TXNDC2: variants seen among roughly 807,000 people sequenced by gnomAD.
The protein encoded by TXNDC2 is thioredoxin domain containing 2, also known as thioredoxin domain-containing protein 2.
In TXNDC2, 1 loss-of-function variant was observed where a neutral mutation model predicts 0.4. The observed-to-expected ratio is 2.30, with a 90% CI of 0.82 to 10.89. The LOEUF (loss-of-function observed/expected upper bound fraction) is 10.89. TXNDC2 is among the 30% of genes most tolerant of loss of function. The pLI, the probability that TXNDC2 is intolerant of heterozygous loss-of-function variation, is 0.12. For synonymous variants in TXNDC2, 183 were observed against 224.6 expected (o/e 0.81, Z 1.66); for missense variants, 509 against 579.8 (o/e 0.88, Z 1.25).
rs923496189 is a variant in TXNDC2, at chr18:9,887,409, G to C, written c.729G>C (p.Lys243Asn). ...PKSLEEAIQPKEGDIPKSPEE... is the reference protein window; with the variant it reads ...PKSLEEAIQPNEGDIPKSPEE... ...CCCTAGAGGAAGCCATCCAGCCCAA[G>C]GAGGGTGACATCCCCAAGTCCCCAG... The change falls in exon 2 of 2, where the codon AAG becomes AAC. Residue 243 changes from lysine (K) to asparagine (N), a missense_variant. Physicochemically the swap from Lys to Asn is moderately conservative, Grantham distance 94. Around this residue, in one of 5 missense-constraint regions of TXNDC2, gnomAD observed 65 missense variants for 46.0 expected, o/e 1.41. Coordinates refer to ENST00000357775, the MANE Select transcript of TXNDC2 (RefSeq NM_032243.6). 1 of 1,028,580 alleles carries C rather than the reference G, an allele frequency of 9.7e-7. No homozygotes were observed. Among genetic ancestry groups the C allele is most frequent in the African/African-American group, 1.9e-5 (1 of 52,906 alleles). 63.7% of individuals were successfully genotyped at this position (1,028,580 alleles called of 1,614,324 possible).
At chr18:9,886,344 T>A in intron 1 of TXNDC2, 4 of 1,458,728 alleles carry the variant, frequency 2.7e-6, no homozygotes, top group Non-Finnish European at 3.8e-6. Context: ...GCGGGCAGGG[T>A]GTTGAACCAA....
At position 9,886,073 on chromosome 18, in the gene TXNDC2, A is replaced by G; in HGVS notation, c.-100A>G. 7.7e-6 allele frequency: 7 copies of G among 913,636 alleles called. No individual in the cohort carries two copies. The highest frequency in any genetic ancestry group is 1.6e-5 in the African/African-American group (1 of 61,024). 56.6% of individuals were successfully genotyped at this position (913,636 alleles called of 1,614,324 possible). On this transcript the variant is annotated 5_prime_UTR_variant, in exon 1 of 2. Coordinates refer to ENST00000357775, the MANE Select transcript of TXNDC2 (RefSeq NM_032243.6). ...GAGGGAAAACCAACTGTAACGTGCC[A>G]CCCAAATGTAAGTTTTACTCATATT...
rs1196248673 is a variant in TXNDC2 at position 9,886,599 on chromosome 18, A to T, written c.-82A>T. ...TGTTTTTTGGTACAGAAAGCTCATTACTAGTCCTGTCCAGCAACGTGCCTC... is the reference window on the plus strand; with the variant it reads ...TGTTTTTTGGTACAGAAAGCTCATTTCTAGTCCTGTCCAGCAACGTGCCTC... On this transcript the variant is annotated 5_prime_UTR_variant, in exon 2 of 2. Transcript: ENST00000357775. 2 of 1,605,124 alleles carry T rather than the reference A, an allele frequency of 1.2e-6. No individual in the cohort carries two copies. Among genetic ancestry groups the T allele is most frequent in the Non-Finnish European group, 1.7e-6 (2 of 1,176,756 alleles).
At chr18:9,886,322 T>G in intron 1 of TXNDC2, 1 of 1,573,654 alleles carries the variant, frequency 6.4e-7, no homozygotes, top group Non-Finnish European at 8.7e-7. Flanking sequence ...TAAAGACCTA[T>G]GCAGTTAGGG....
At position 9,886,991 on chromosome 18, in the gene TXNDC2, C is replaced by T. The variant is rs34812912; in HGVS notation, c.311C>T (p.Pro104Leu). The T allele has an allele frequency of 0.073, 117,889 of 1,604,858 alleles. 4,643 individuals are homozygous for T. The highest frequency in any genetic ancestry group is 0.15 in the South Asian group (13,870 of 90,348). ...AATATTCCCAAGGCCTCAGTGAAGC[C>T]CAGCCAGCCCAAGGAGGGTGACATC... Reference protein sequence around the residue: ...LGNIPKASVKPSQPKEGDIPK... With the variant: ...LGNIPKASVKLSQPKEGDIPK... The change falls in exon 2 of 2, where the codon CCC becomes CTC. Residue 104 changes from proline to leucine, a missense_variant. By Grantham distance (98) the Pro-to-Leu change is moderately conservative. This residue lies in a region of TXNDC2 where 187 missense variants were observed against 218.0 expected (regional missense o/e 0.86). Transcript: ENST00000357775.
rs928293087 is a variant in TXNDC2 at position 9,889,155 on chromosome 18, T to C, written c.*1014T>C. ...ATAAAACCAGCTTCATTAGGTATAA[T>C]TGATATACAAAGAACAGCACATATT... On this transcript the variant is annotated 3_prime_UTR_variant, in exon 2 of 2. Coordinates refer to ENST00000357775, the MANE Select transcript of TXNDC2 (RefSeq NM_032243.6). 2.6e-5 allele frequency: 4 copies of C among 152,158 alleles called. No individual in the cohort carries two copies. The highest frequency in any genetic ancestry group is 7.2e-5 in the African/African-American group (3 of 41,426). The allele number at this position is 152,158 out of a possible 1,614,324, so 9.4% of individuals were successfully genotyped here. A position where few individuals can be genotyped will look rare whatever the true frequency, so the allele number is the denominator to read the frequency against.
rs1567882104 is a variant in TXNDC2 at position 9,886,620 on chromosome 18, GC to G, written c.-59del. 3 of 1,613,478 alleles carry G rather than the reference GC, an allele frequency of 1.9e-6. No homozygotes were observed. ...CATTACTAGTCCTGTCCAGCAACGT[GC>G]CTCTCCTGGCCCTAGAGTTCTTGGA... is the stretch of plus-strand genomic sequence containing the variant. On this transcript the variant is annotated 5_prime_UTR_variant, in exon 2 of 2. Coordinates refer to ENST00000357775, the MANE Select transcript of TXNDC2 (RefSeq NM_032243.6).
rs183239518 is a variant in TXNDC2, at chr18:9,886,706, G to A, written c.26G>A (p.Arg9His). The change falls in exon 2 of 2, where the codon CGC (arginine) becomes CAC (histidine). Residue 9 changes from arginine to histidine, a missense_variant. Arg to His is a conservative substitution (Grantham distance 29). This residue lies in a region of TXNDC2 where 187 missense variants were observed against 218.0 expected (regional missense o/e 0.86). Transcript: ENST00000357775. ...ATGGTCAGCCACACGTTCCACATGC[G>A]CACAGAGGAGTCTGATGCCTCACAG... MVSHTFHM[R>H]TEESDASQEG... is the part of the protein sequence containing the mutation. 1.2e-5 allele frequency: 19 copies of A among 1,614,022 alleles called. No individual in the cohort carries two copies. The highest frequency in any genetic ancestry group is 6.7e-5 in the East Asian group (3 of 44,874).
chr18:9,888,006 C>A lies in TXNDC2; in HGVS notation c.1326C>A (p.Asn442Lys). Residue 442 changes from asparagine (N) to lysine (K), a missense_variant, in exon 2 of 2, where the codon AAC (asparagine) becomes AAA (lysine). Asn to Lys is a moderately conservative substitution (Grantham distance 94, BLOSUM62 0). Coordinates refer to ENST00000357775, the MANE Select transcript of TXNDC2 (RefSeq NM_032243.6). ...TGTTCCTGGAGGTGGACGCTGACAA[C>A]TGTGAGGAGGTGGTGAGAGAGTGCG... is the stretch of plus-strand genomic sequence containing the variant. Reference protein sequence around the residue: ...DVVFLEVDADNCEEVVRECAI... With the variant: ...DVVFLEVDADKCEEVVRECAI... 6.2e-7 allele frequency: 1 copy of A among 1,614,142 alleles called. No individual in the cohort carries two copies. Among genetic ancestry groups the A allele is most frequent in the Non-Finnish European group, 8.5e-7 (1 of 1,180,028 alleles).
rs1424695134 is a variant in TXNDC2 at position 9,888,098 on chromosome 18, C to T, written c.1418C>T (p.Ala473Val). 6.2e-7 allele frequency: 1 copy of T among 1,613,336 alleles called. No individual in the cohort carries two copies. The highest frequency in any genetic ancestry group is 8.5e-7 in the Non-Finnish European group (1 of 1,179,694). The change falls in exon 2 of 2, where the codon GCC (alanine) becomes GTC (valine). Residue 473 changes from alanine to valine, a missense_variant. By Grantham distance (64) the Ala-to-Val change is moderately conservative (BLOSUM62 0). Around this residue, in one of 5 missense-constraint regions of TXNDC2, gnomAD observed 229 missense variants for 243.8 expected, o/e 0.94. Coordinates refer to ENST00000357775, the MANE Select transcript of TXNDC2 (RefSeq NM_032243.6). The part of the protein sequence containing the change: ...KEEKVDELCG[A>V]LKEKLEAVIA... The stretch of plus-strand genomic sequence containing the variant: ...GAAAAGGTGGATGAACTTTGCGGCG[C>T]CCTTAAGGAAAAACTTGAAGCAGTC...
In TXNDC2 at chr18:9,887,360, C is replaced by T. The variant is rs2068961840; in HGVS notation, c.680C>T (p.Pro227Leu). ...ISKSPEEAIQ[P>L]KEGDLPKSLE... is the part of the protein sequence containing the mutation. ...AAGTCCCCAGAAGAAGCCATCCAGCCCAAGGAGGGTGACCTCCCCAAGTCC... is the reference window on the plus strand; with the variant it reads ...AAGTCCCCAGAAGAAGCCATCCAGCTCAAGGAGGGTGACCTCCCCAAGTCC... Residue 227 changes from proline (P) to leucine (L), a missense_variant, in exon 2 of 2, where the codon CCC (proline) becomes CTC (leucine). Transcript: ENST00000357775. 7.3e-6 allele frequency: 11 copies of T among 1,499,374 alleles called. No individual in the cohort carries two copies. Among genetic ancestry groups the T allele is most frequent in the Non-Finnish European group, 1.0e-5 (11 of 1,101,438 alleles). 92.9% of individuals were successfully genotyped at this position (1,499,374 alleles called of 1,614,324 possible). A position where few individuals can be genotyped will look rare whatever the true frequency, so the allele number is the denominator to read the frequency against.
At position 9,887,813 on chromosome 18, in the gene TXNDC2, C is replaced by T. The variant is rs781003016; in HGVS notation, c.1133C>T (p.Pro378Leu). 2.9e-5 allele frequency: 47 copies of T among 1,611,156 alleles called. No individual in the cohort carries two copies. Among genetic ancestry groups the T allele is most frequent in the Non-Finnish European group, 3.1e-5 (36 of 1,178,600 alleles). ...LKPEEETMEFPEGDKVKVILS... is the reference protein window; with the variant it reads ...LKPEEETMEFLEGDKVKVILS... ...CCTGAAGAAGAAACAATGGAGTTCC[C>T]GGAGGGGGACAAGGTGAAAGTGATC... The change falls in exon 2 of 2, where the codon CCG (proline) becomes CTG (leucine). Residue 378 changes from proline to leucine, a missense_variant. Physicochemically the swap from Pro to Leu is moderately conservative, Grantham distance 98. This residue lies in a region of TXNDC2 where 229 missense variants were observed against 243.8 expected (regional missense o/e 0.94). Coordinates refer to ENST00000357775, the MANE Select transcript of TXNDC2 (RefSeq NM_032243.6).
Position 9,887,373 on chromosome 18 carries a change from C to T in TXNDC2, c.693C>T (p.Asp231=), listed in dbSNP as rs755820055. Residue 231 remains aspartate, a synonymous_variant, in exon 2 of 2, where the codon GAC becomes GAT. Coordinates refer to ENST00000357775, the MANE Select transcript of TXNDC2 (RefSeq NM_032243.6). ...PEEAIQPKEG[D]LPKSLEEAIQ... is the part of the protein sequence containing the mutation. ...AAGCCATCCAGCCCAAGGAGGGTGA[C>T]CTCCCCAAGTCCCTAGAGGAAGCCA... The T allele has an allele frequency of 3.5e-5, 53 of 1,494,206 alleles. No homozygotes were observed. The Middle Eastern group carries it at 7.2e-4, about 20-fold the overall frequency. The allele number at this position is 1,494,206 out of a possible 1,614,324, so 92.6% of individuals were successfully genotyped here.
At chr18:9,886,335 C>A (rs1434461034) in intron 1 of TXNDC2, 2 of 1,515,270 alleles carry the variant, frequency 1.3e-6, no homozygotes, top group Non-Finnish European at 1.8e-6. Context: ...AGTTAGGGAG[C>A]GGGCAGGGTG....
At chr18:9,886,460 A>G (rs1250209365) in intron 1 of TXNDC2, 129 bp from the exon 2 acceptor site, 6 of 984,948 alleles carry the variant, frequency 6.1e-6, no homozygotes, top group African/African-American at 4.9e-5. Flanking sequence ...ATCATTCATC[A>G]GACTTCATTC....
Position 9,886,738 on chromosome 18 carries a change from G to A in TXNDC2, c.58G>A (p.Asp20Asn), listed in dbSNP as rs1048280864. 18 of 1,614,026 alleles carry A rather than the reference G, an allele frequency of 1.1e-5. No homozygotes were observed. Among genetic ancestry groups the A allele is most frequent in the Admixed American group, 1.7e-5 (1 of 59,996 alleles). ...TEESDASQEG[D>N]DLPKSSANTS... ...GGAGTCTGATGCCTCACAGGAGGGC[G>A]ATGACCTACCCAAGTCCTCAGCAAA... is the stretch of plus-strand genomic sequence containing the variant. The change falls in exon 2 of 2, where the codon GAT becomes AAT. Residue 20 changes from aspartate (D) to asparagine (N), a missense_variant. Coordinates refer to ENST00000357775, the MANE Select transcript of TXNDC2 (RefSeq NM_032243.6).
intron 1 of TXNDC2, chr18:9,886,331 G>A (rs2068948879): frequency 6.5e-7 from 1 of 1,533,078 alleles, no homozygotes; most frequent in South Asian, 1.2e-5. Flanking sequence ...ATGCAGTTAG[G>A]GAGCGGGCAG....
At position 9,887,851 on chromosome 18, in the gene TXNDC2, G is replaced by A. The variant is rs1220065486; in HGVS notation, c.1171G>A (p.Asp391Asn). The A allele has an allele frequency of 1.2e-6, 2 of 1,610,180 alleles. No homozygotes were observed. The highest frequency in any genetic ancestry group is 3.4e-5 in the Admixed American group (2 of 59,632). The change falls in exon 2 of 2, where the codon GAC becomes AAC. Residue 391 changes from aspartate (D) to asparagine (N), a missense_variant. Asp to Asn is a conservative substitution (Grantham distance 23). Transcript: ENST00000357775. ...DKVKVILSKE[D>N]FEASLKEAGE... ...GGTGAAAGTGATCCTGAGCAAGGAG[G>A]ACTTTGAGGCATCACTGAAGGAGGC... is the stretch of plus-strand genomic sequence containing the variant.
rs492090 is a variant in TXNDC2, at chr18:9,889,171, A to T, written c.*1030A>T. The T allele has an allele frequency of 0.94, 142,654 of 152,192 alleles. 66,916 individuals are homozygous for T. The highest frequency in any genetic ancestry group is 1 in the East Asian group (5,151 of 5,162). The allele number at this position is 152,192 out of a possible 1,614,324, so 9.4% of individuals were successfully genotyped here. ...TAGGTATAATTGATATACAAAGAACAGCACATATTTAATGGAGGGAGTTGG... is the reference window on the plus strand; with the variant it reads ...TAGGTATAATTGATATACAAAGAACTGCACATATTTAATGGAGGGAGTTGG... On this transcript the variant is annotated 3_prime_UTR_variant, in exon 2 of 2. Coordinates refer to ENST00000357775, the MANE Select transcript of TXNDC2 (RefSeq NM_032243.6).
Sources: gnomAD v4.1 joint callset for allele counts on GRCh38, gnomAD v4.1.1 for gene constraint, gnomAD v4.1.1 regional missense constraint, MANE v1.5 for transcripts, NCBI Gene and HGNC (gene_info 2026-07-23, HGNC 2026-07-21) for gene names.